ZFHX3: variants seen among roughly 807,000 people sequenced by gnomAD.
ZFHX3 encodes zinc finger homeobox protein 3.
A neutral mutation model predicts 279.1 loss-of-function variants in ZFHX3; 42 were observed. That is an observed-to-expected ratio of 0.15 (90% CI 0.12 to 0.19). The LOEUF is 0.19. Ranked by LOEUF, ZFHX3 falls within the 10% of genes least tolerant of loss-of-function variation. The pLI is 1.00. For missense variants in ZFHX3, 4,981 were observed against 4,754.0 expected (o/e 1.05, Z -1.40); for synonymous variants, 2,293 against 1,957.8 (o/e 1.17, Z -4.52).
chr16:73,588,599 A>C (rs2051952506), intron 2 of ZFHX3, among the ~76,000 whole-genome samples: 1 of 151,434 alleles, frequency 6.6e-6, no homozygotes, highest in Non-Finnish European at 1.5e-5. Flanking sequence ...CTGAGGCAGG[A>C]GAATAGTGTG....
At chr16:73,310,750 A>C (rs888359521) in intron 4 of ZFHX3, among the ~76,000 whole-genome samples, 1 of 152,224 alleles carries the variant, frequency 6.6e-6, no homozygotes, top group Admixed American at 6.5e-5. Flanking sequence ...CCTCATTTCT[A>C]ACAATAAAAG....
intron 3 of ZFHX3, among the ~76,000 whole-genome samples, chr16:73,380,157 T>C (rs2016795626): frequency 6.6e-6 from 1 of 152,162 alleles, no homozygotes. Flanking sequence ...TATATAATGT[T>C]AAAAAGCACA....
At chr16:72,873,293 G>C (rs1196330970) in intron 4 of ZFHX3, among the ~76,000 whole-genome samples, 1 of 152,174 alleles carries the variant, frequency 6.6e-6, no homozygotes, top group African/African-American at 2.4e-5. Flanking sequence ...TGTTTTCAAT[G>C]CAAGAATGAA....
At chr16:73,642,004 G>C (rs2052577456) in intron 2 of ZFHX3, among the ~76,000 whole-genome samples, 1 of 152,046 alleles carries the variant, frequency 6.6e-6, no homozygotes. Context: ...CCTCCCTGCA[G>C]AGAATACTGA....
At chr16:72,893,526 A>G (rs1436327965) in intron 3 of ZFHX3, among the ~76,000 whole-genome samples, 1 of 151,598 alleles carries the variant, frequency 6.6e-6, no homozygotes, top group Non-Finnish European at 1.5e-5. Context: ...TAAACATCAT[A>G]CCGGGTACTC....
At chr16:73,278,295 C>T (rs1332536276) in intron 4 of ZFHX3, among the ~76,000 whole-genome samples, 1 of 152,144 alleles carries the variant, frequency 6.6e-6, no homozygotes, top group Non-Finnish European at 1.5e-5. Context: ...TCATTAGAGT[C>T]TCAGACAGTC....
chr16:73,786,428 G>T (rs1959649029), intron 1 of ZFHX3, among the ~76,000 whole-genome samples: 1 of 152,134 alleles, frequency 6.6e-6, no homozygotes, highest in South Asian at 2.1e-4. Flanking sequence ...GAAGCTCTGT[G>T]TTGTGTTGGT....
intron 3 of ZFHX3, among the ~76,000 whole-genome samples, chr16:72,892,749 C>T (rs1177887718): frequency 6.6e-6 from 1 of 152,178 alleles, no homozygotes; most frequent in African/African-American, 2.4e-5. Flanking sequence ...TTCAAGCGAT[C>T]CACCCGCCTC....
intron 1 of ZFHX3, among the ~76,000 whole-genome samples, chr16:73,769,612 C>G (rs960027119): frequency 6.6e-6 from 1 of 152,188 alleles, no homozygotes; most frequent in Non-Finnish European, 1.5e-5. Context: ...AAACCTATTA[C>G]AGCTAAAAAG....
intron 1 of ZFHX3, among the ~76,000 whole-genome samples, chr16:73,704,138 A>G (rs1165366479): frequency 1.3e-5 from 2 of 152,210 alleles, no homozygotes; most frequent in Non-Finnish European, 2.9e-5. Flanking sequence ...AACAGAAATT[A>G]TACAATTTCA....
At chr16:72,953,397 C>T (rs990741909) in intron 2 of ZFHX3, among the ~76,000 whole-genome samples, 7 of 152,100 alleles carry the variant, frequency 4.6e-5, no homozygotes, top group Admixed American at 3.3e-4. Flanking sequence ...AGAAACTGCC[C>T]GGAGGGTAAG....
At chr16:73,181,396 A>G (rs1320215350) in intron 5 of ZFHX3, among the ~76,000 whole-genome samples, 1 of 152,178 alleles carries the variant, frequency 6.6e-6, no homozygotes, top group African/African-American at 2.4e-5. Context: ...AGCCAGCTGC[A>G]GCTAGTTTTT....
At chr16:72,849,087 T>C (rs1371667252) in intron 4 of ZFHX3, among the ~76,000 whole-genome samples, 2 of 151,992 alleles carry the variant, frequency 1.3e-5, no homozygotes, top group Non-Finnish European at 2.9e-5. Flanking sequence ...GGGATGTTAA[T>C]TACTTTACCA....
At chr16:73,696,558 C>A (rs1343758753) in intron 1 of ZFHX3, among the ~76,000 whole-genome samples, 1 of 152,184 alleles carries the variant, frequency 6.6e-6, no homozygotes, top group Non-Finnish European at 1.5e-5. Context: ...CTAGAAAGCT[C>A]TTCATACAAT....
intron 5 of ZFHX3, among the ~76,000 whole-genome samples, chr16:73,219,881 T>A (rs1024447571): frequency 1.3e-5 from 2 of 151,718 alleles, no homozygotes; most frequent in African/African-American, 4.8e-5. Context: ...AGGTCAGGAG[T>A]TGGAGACCAG....
At chr16:73,064,839 G>A (rs543354958) in intron 8 of ZFHX3, among the ~76,000 whole-genome samples, 2 of 152,354 alleles carry the variant, frequency 1.3e-5, no homozygotes, top group South Asian at 2.1e-4. Flanking sequence ...GAGGCGCGGA[G>A]CCGGTGGCTC....
chr16:73,272,387 T>C (rs753835454), intron 4 of ZFHX3, among the ~76,000 whole-genome samples: 1 of 152,220 alleles, frequency 6.6e-6, no homozygotes, highest in Non-Finnish European at 1.5e-5. Context: ...CAGCTGTATA[T>C]AAAATGATGC....
In ZFHX3 at chr16:73,470,521, A is replaced by G. The variant is rs79826430; in HGVS notation, c.-1546-14263T>C. Among the ~76,000 whole-genome samples the G allele has an allele frequency of 1.2e-3, 181 of 152,322 alleles. 1 individual carries two copies. The highest frequency in any genetic ancestry group is 4.3e-3 in the African/African-American group (178 of 41,568). ...GCTTAGTGCTAATGAGTAACCAATT[A>G]CCAATAGTAATAATGTCATCGAGAA... On this transcript the variant is annotated intron_variant, in intron 2 of 17. Coordinates refer to the ZFHX3 transcript ENST00000641206.
At chr16:73,628,064 T>C (rs2142144167) in intron 2 of ZFHX3, among the ~76,000 whole-genome samples, 1 of 152,310 alleles carries the variant, frequency 6.6e-6, no homozygotes, top group Middle Eastern at 3.4e-3. Context: ...TTTTTCTTAG[T>C]AACCAGATCC....
Sources: allele counts gnomAD v4.1 joint callset (sites outside exome capture counted in the v4.1 genomes callset), GRCh38; gene constraint gnomAD v4.1.1; transcripts MANE v1.5; gene names NCBI Gene and HGNC (gene_info 2026-07-23, HGNC 2026-07-21).